Variants in APBB2 observed in about 807,000 individuals in gnomAD.
The protein encoded by APBB2 is Fe65-like 1.
A neutral mutation model predicts 82.5 loss-of-function variants in APBB2; 38 were observed. The observed-to-expected ratio is 0.46, with a 90% CI of 0.36 to 0.60. The LOEUF is 0.60. APBB2 is among the 20% of genes least tolerant of loss of function. The probability of loss-of-function intolerance (pLI) is 0.00; values close to 1 mark genes in which losing one functional copy is unlikely to be tolerated. For synonymous variants in APBB2, 341 were observed against 368.2 expected (o/e 0.93, Z 0.85); for missense variants, 772 against 972.3 (o/e 0.79, Z 2.74).
intron 5 of APBB2, among the ~76,000 whole-genome samples, chr4:41,027,668 TAATTC>T (rs1347874123): frequency 6.6e-6 from 1 of 152,218 alleles, no homozygotes; most frequent in African/African-American, 2.4e-5. Context: ...TTTGACTCCT[TAATTC>T]ATTTCCTCAT....
At chr4:41,166,727 C>T (rs1401377911) in intron 1 of APBB2, among the ~76,000 whole-genome samples, 2 of 152,034 alleles carry the variant, frequency 1.3e-5, no homozygotes, top group Non-Finnish European at 2.9e-5. Flanking sequence ...GAAACCCTGT[C>T]TCTACTAAAA....
intron 2 of APBB2, among the ~76,000 whole-genome samples, chr4:41,101,891 G>A (rs1297601207): frequency 6.6e-6 from 1 of 151,664 alleles, no homozygotes; most frequent in East Asian, 1.9e-4. Context: ...CCCGGGAGGC[G>A]GAAGTTGCAG....
rs1744795923 is a variant in APBB2 at position 40,813,327 on chromosome 4, TAA to T, written c.*2763_*2764del. ...AAATAAAAATATTTTAAGCTGTATT[TAA>T]CAGGTTAATTAAAAATATGGTAAGA... On this transcript the variant is annotated 3_prime_UTR_variant, in exon 18 of 18. Coordinates refer to ENST00000508593, the MANE Select transcript of APBB2 (RefSeq NM_004307.2). 6.6e-6 allele frequency: 1 copy of T among 152,230 alleles called. No homozygotes were observed. The highest frequency in any genetic ancestry group is 2.1e-4 in the South Asian group (1 of 4,836). The allele number at this position is 152,230 out of a possible 1,614,324, so 9.4% of individuals were successfully genotyped here. A position where few individuals can be genotyped will look rare whatever the true frequency, so the allele number is the denominator to read the frequency against.
intron 4 of APBB2, among the ~76,000 whole-genome samples, chr4:41,044,759 C>CT (rs1366531913): frequency 6.6e-6 from 1 of 152,082 alleles, no homozygotes; most frequent in Non-Finnish European, 1.5e-5. Context: ...GCCCAAAGGA[C>CT]TTTTTCTTTT....
At chr4:40,919,642 C>T (rs1780746944) in intron 10 of APBB2, among the ~76,000 whole-genome samples, 2 of 152,208 alleles carry the variant, frequency 1.3e-5, no homozygotes, top group Admixed American at 1.3e-4. Context: ...TGACTCTGTC[C>T]ACACAGCCGC....
At chr4:41,118,539 A>G (rs75111409) in intron 2 of APBB2, among the ~76,000 whole-genome samples, 23,268 of 152,216 alleles carry the variant, frequency 0.15, 1,849 homozygotes, top group Non-Finnish European at 0.18. Flanking sequence ...TCTATTAAAT[A>G]TTTATGTGTC....
chr4:40,899,755 C>T (rs1045358268), intron 10 of APBB2, among the ~76,000 whole-genome samples: 1 of 152,198 alleles, frequency 6.6e-6, no homozygotes, highest in Non-Finnish European at 1.5e-5. Context: ...CTGTCCTTTT[C>T]CTTTCTCTGG....
At chr4:41,157,872 A>G (rs905991579) in intron 1 of APBB2, among the ~76,000 whole-genome samples, 12 of 152,216 alleles carry the variant, frequency 7.9e-5, no homozygotes, top group Admixed American at 7.2e-4. Context: ...CACACCTATA[A>G]TCTCAGCTAC....
chr4:41,065,776 A>G (rs1006847596), intron 3 of APBB2, 103 bp from the exon 4 acceptor site: 1 of 149,920 alleles, frequency 6.7e-6, no homozygotes, highest in South Asian at 2.1e-4. Context: ...TGATGACCAC[A>G]TATTTCCAGA....
chr4:40,834,630 A>C (rs1029345871), intron 12 of APBB2, among the ~76,000 whole-genome samples: 1 of 152,144 alleles, frequency 6.6e-6, no homozygotes, highest in African/African-American at 2.4e-5. Context: ...AAGGATCCTG[A>C]GATGGGGATG....
At chr4:40,880,149 C>T in intron 12 of APBB2, 3 of 985,372 alleles carry the variant, frequency 3.0e-6, no homozygotes, top group Non-Finnish European at 3.6e-6. Flanking sequence ...CACAGAGCGC[C>T]CCTAACATCA....
At chr4:41,183,822 C>T (rs1208925387) in intron 1 of APBB2, among the ~76,000 whole-genome samples, 5 of 138,942 alleles carry the variant, frequency 3.6e-5, no homozygotes, top group Admixed American at 2.3e-4. Flanking sequence ...TTTCTATGGA[C>T]TGGGGGAGTT....
chr4:41,181,234 T>C (rs570124284), intron 1 of APBB2, among the ~76,000 whole-genome samples: 3 of 152,090 alleles, frequency 2.0e-5, no homozygotes, highest in African/African-American at 4.8e-5. Flanking sequence ...TTGTGGGGAG[T>C]TGGGGAAGTT....
At chr4:41,080,816 C>T (rs1442790583) in intron 3 of APBB2, among the ~76,000 whole-genome samples, 1 of 151,882 alleles carries the variant, frequency 6.6e-6, no homozygotes, top group Non-Finnish European at 1.5e-5. Flanking sequence ...AATTCTCCTG[C>T]CTCAGCCTCC....
At chr4:40,958,826 G>T (rs1031922270) in intron 6 of APBB2, among the ~76,000 whole-genome samples, 1 of 152,152 alleles carries the variant, frequency 6.6e-6, no homozygotes, top group African/African-American at 2.4e-5. Flanking sequence ...GGCTGGTCTT[G>T]AACTCCTGAC....
intron 6 of APBB2, among the ~76,000 whole-genome samples, chr4:40,999,804 C>T (rs1231630760): frequency 6.6e-6 from 1 of 152,058 alleles, no homozygotes; most frequent in Non-Finnish European, 1.5e-5. Context: ...ACGCTATTAC[C>T]TTGAATTTGT....
intron 12 of APBB2, among the ~76,000 whole-genome samples, chr4:40,886,997 C>T (rs181025419): frequency 1.2e-4 from 19 of 152,292 alleles, no homozygotes; most frequent in African/African-American, 3.6e-4. Context: ...CAAGAAACAC[C>T]GTAATAAAGA....
At chr4:40,892,664 T>G (rs929575735) in intron 11 of APBB2, 7 of 152,276 alleles carry the variant, frequency 4.6e-5, no homozygotes, top group African/African-American at 1.7e-4. Flanking sequence ...TTTTCCGGTT[T>G]GATGTGAGTT....
chr4:41,023,656 CAA>C (rs1323785556), intron 5 of APBB2, among the ~76,000 whole-genome samples: 1 of 152,056 alleles, frequency 6.6e-6, no homozygotes, highest in Non-Finnish European at 1.5e-5. Context: ...ATAAGAATTA[CAA>C]AACACTGTTC....
Sources: allele counts gnomAD v4.1 joint callset (sites outside exome capture counted in the v4.1 genomes callset), GRCh38; gene constraint gnomAD v4.1.1; transcripts MANE v1.5; gene names NCBI Gene and HGNC (gene_info 2026-07-23, HGNC 2026-07-21).